Variants in TSHZ2 observed in about 807,000 individuals in gnomAD.
TSHZ2 encodes teashirt zinc finger homeobox 2, also known as teashirt homolog 2.
In TSHZ2, 21 loss-of-function variants were observed where a neutral mutation model predicts 74.4. The observed-to-expected ratio is 0.28, with a 90% confidence interval of 0.20 to 0.41. The LOEUF (loss-of-function observed/expected upper bound fraction) is 0.41. Among genes scored for constraint, TSHZ2 ranks in the 10% least tolerant of loss-of-function variants. The pLI, the probability that TSHZ2 is intolerant of heterozygous loss-of-function variation, is 1.00. For missense variants in TSHZ2, 1,244 were observed against 1,293.5 expected, an observed-to-expected ratio of 0.96 and a Z score of 0.59; for synonymous variants, 540 against 515.3, an observed-to-expected ratio of 1.05 and a Z score of -0.65.
rs1481813903 is a variant in TSHZ2 at position 53,463,608 on chromosome 20, C to CTGAGAGCAGTAGTTCTCAATCTTGGTAGT, written c.*9-23535_*9-23507dup. On this transcript the variant is annotated intron_variant, in intron 2 of 2. Coordinates refer to ENST00000371497, the MANE Select transcript of TSHZ2 (RefSeq NM_173485.6). Reference sequence around the variant, plus strand: ...AAATAAGTGAATAAATGAATCCTATCTGAGAGCAGTAGTTCTCAATCTTGG... The same window carrying CTGAGAGCAGTAGTTCTCAATCTTGGTAGT: ...AAATAAGTGAATAAATGAATCCTATCTGAGAGCAGTAGTTCTCAATCTTGGTAGTTGAGAGCAGTAGTTCTCAATCTTGG... 3.9e-5 allele frequency among the ~76,000 whole-genome samples: 6 copies of CTGAGAGCAGTAGTTCTCAATCTTGGTAGT among 152,300 alleles called. No homozygotes were observed. The East Asian group carries it at 1.2e-3, about 29-fold the overall frequency.
intron 2 of TSHZ2, among the ~76,000 whole-genome samples, chr20:53,418,947 C>T (rs187325044): frequency 1.3e-5 from 2 of 152,226 alleles, no homozygotes; most frequent in South Asian, 2.1e-4. Flanking sequence ...TGTAAACATC[C>T]GGGTTCATCC....
intron 2 of TSHZ2, among the ~76,000 whole-genome samples, chr20:53,414,411 G>A (rs1434068133): frequency 6.6e-6 from 1 of 152,062 alleles, no homozygotes; most frequent in Non-Finnish European, 1.5e-5. Context: ...CTTGAGCCCA[G>A]GAGTTTGAGA....
chr20:53,472,093 G>C (rs549821388), intron 2 of TSHZ2, among the ~76,000 whole-genome samples: 2 of 152,200 alleles, frequency 1.3e-5, no homozygotes, highest in East Asian at 3.9e-4. Flanking sequence ...GTGTGAGCCC[G>C]CGCCCGGCCA....
Position 53,256,422 on chromosome 20 carries a change from G to C in TSHZ2, c.2964G>C (p.Glu988Asp), listed in dbSNP as rs935962460. ...CTCCAGAAACAATAGCTGCCGAAGA[G>C]GACACAGACTCTAAATTCAAGTGTA... ...QRSPETIAAE[E>D]DTDSKFKCKL... The change falls in exon 2 of 3, where the codon GAG (glutamate) becomes GAC (aspartate). Residue 988 changes from glutamate to aspartate, a missense_variant. By Grantham distance (45) the Glu-to-Asp change is conservative. Coordinates refer to ENST00000371497, the MANE Select transcript of TSHZ2 (RefSeq NM_173485.6). The surrounding 1 kb of genome is among the most constrained non-coding windows in gnomAD (Gnocchi z 4.3). 2 of 1,613,952 alleles carry C rather than the reference G, an allele frequency of 1.2e-6. No individual in the cohort carries two copies. Among genetic ancestry groups the C allele is most frequent in the African/African-American group, 2.7e-5 (2 of 74,912 alleles).
At chr20:53,217,918 A>G (rs1488803696) in intron 1 of TSHZ2, among the ~76,000 whole-genome samples, 2 of 152,212 alleles carry the variant, frequency 1.3e-5, no homozygotes, top group African/African-American at 4.8e-5. Flanking sequence ...AATCTAATTT[A>G]TGTTAGAAAG....
rs750590304 is a variant in TSHZ2, at chr20:53,214,715, CAAAAT to C, written c.41-38783_41-38779del. Among the ~76,000 whole-genome samples the C allele has an allele frequency of 7.9e-5, 12 of 151,786 alleles. No homozygotes were observed. In the South Asian group the frequency reaches 2.5e-3, roughly 32 times the overall value. On this transcript the variant is annotated intron_variant, in intron 1 of 2. Coordinates refer to ENST00000371497, the MANE Select transcript of TSHZ2 (RefSeq NM_173485.6). ...CCTGGGTGACAGAGCAAGACTGTCT[CAAAAT>C]GAAAAGAAGAAGAAGACAATGTGAG...
chr20:53,099,997 G>C (rs1986170958), intron 1 of TSHZ2, among the ~76,000 whole-genome samples: 1 of 152,074 alleles, frequency 6.6e-6, no homozygotes, highest in Non-Finnish European at 1.5e-5. Context: ...TCCACTTTTT[G>C]CCAAGTGAAT....
intron 1 of TSHZ2, among the ~76,000 whole-genome samples, chr20:52,983,794 A>ATGGAGGGGAAGGAG (rs1981654173): frequency 6.6e-6 from 1 of 152,198 alleles, no homozygotes; most frequent in Non-Finnish European, 1.5e-5. Context: ...GAGAACATGG[A>ATGGAGGGGAAGGAG]TGGAGGGGAA....
intron 1 of TSHZ2, among the ~76,000 whole-genome samples, chr20:53,155,600 T>G (rs528995194): frequency 3.3e-5 from 5 of 151,972 alleles, no homozygotes; most frequent in Middle Eastern, 3.4e-3. Flanking sequence ...GACAGATCAC[T>G]GAAGATTGAG....
intron 2 of TSHZ2, among the ~76,000 whole-genome samples, chr20:53,411,689 T>A (rs1983059680): frequency 6.6e-6 from 1 of 151,826 alleles, no homozygotes; most frequent in Non-Finnish European, 1.5e-5. Flanking sequence ...ATTGGACAGG[T>A]AGGTTGGCAC....
chr20:53,342,959 T>TTTTTTTC (rs1980275659), intron 2 of TSHZ2, among the ~76,000 whole-genome samples: 4 of 107,916 alleles, frequency 3.7e-5, no homozygotes, highest in Non-Finnish European at 7.5e-5. Context: ...TCTTTTCTTT[T>TTTTTTTC]TTTTTTTTTT....
At chr20:53,295,512 C>T (rs1254194589) in intron 2 of TSHZ2, among the ~76,000 whole-genome samples, 2 of 152,064 alleles carry the variant, frequency 1.3e-5, no homozygotes, top group Admixed American at 1.3e-4. Context: ...AGCGGTGTTT[C>T]CCTAATTGTA....
intron 2 of TSHZ2, among the ~76,000 whole-genome samples, chr20:53,467,984 C>T (rs902713219): frequency 4.6e-5 from 7 of 151,584 alleles, no homozygotes; most frequent in African/African-American, 4.8e-5. Context: ...ATATTTGAAA[C>T]TAAAAAAAAA....
chr20:53,021,565 C>T (rs993233569), intron 1 of TSHZ2, among the ~76,000 whole-genome samples: 1 of 152,164 alleles, frequency 6.6e-6, no homozygotes, highest in Admixed American at 6.6e-5. Flanking sequence ...AAAGAAAAAG[C>T]ATTTCTTCCA....
Position 53,232,026 on chromosome 20 carries a change from G to C in TSHZ2, c.41-21473G>C, listed in dbSNP as rs368183887. Among the ~76,000 whole-genome samples, 6 of 151,932 alleles carry C rather than the reference G, an allele frequency of 3.9e-5. No homozygotes were observed. In the East Asian group the frequency reaches 9.6e-4, roughly 24 times the overall value. ...TAGCCTCCCAAACAGCTGAGACTACGGGCGCCTGCTACCACACCTGGCTAA... is the reference window on the plus strand; with the variant it reads ...TAGCCTCCCAAACAGCTGAGACTACCGGCGCCTGCTACCACACCTGGCTAA... On this transcript the variant is annotated intron_variant, in intron 1 of 2. Coordinates refer to ENST00000371497, the MANE Select transcript of TSHZ2 (RefSeq NM_173485.6).
At chr20:53,202,995 A>G (rs1418684095) in intron 1 of TSHZ2, among the ~76,000 whole-genome samples, 1 of 152,136 alleles carries the variant, frequency 6.6e-6, no homozygotes, top group East Asian at 1.9e-4. Flanking sequence ...TAGGCAGATC[A>G]AGGGACACAA....
At chr20:53,189,168 T>C (rs985579348) in intron 1 of TSHZ2, among the ~76,000 whole-genome samples, 1 of 152,204 alleles carries the variant, frequency 6.6e-6, no homozygotes, top group Non-Finnish European at 1.5e-5. Flanking sequence ...CTAGCAGAGT[T>C]CTAGGGAAAA....
Position 52,973,302 on chromosome 20 carries a change from G to A in TSHZ2, c.9G>A (p.Arg3=). 4 of 1,553,106 alleles carry A rather than the reference G, an allele frequency of 2.6e-6. No homozygotes were observed. Among genetic ancestry groups the A allele is most frequent in the Non-Finnish European group, 3.5e-6 (4 of 1,147,464 alleles). The change falls in exon 1 of 3, where the codon AGG becomes AGA. Residue 3 remains arginine, a synonymous_variant. Coordinates refer to ENST00000371497, the MANE Select transcript of TSHZ2 (RefSeq NM_173485.6). Reference sequence around the variant, plus strand: ...CTGGAGCGAAGTAGAGGATGCCGAGGAGAAAACAGCAGGCACCCAAGCGGG... The same window carrying A: ...CTGGAGCGAAGTAGAGGATGCCGAGAAGAAAACAGCAGGCACCCAAGCGGG... MP[R]RKQQAPKRAA...
At chr20:52,987,084 T>A (rs768450063) in intron 1 of TSHZ2, among the ~76,000 whole-genome samples, 21 of 152,182 alleles carry the variant, frequency 1.4e-4, no homozygotes, top group African/African-American at 4.6e-4. Flanking sequence ...CATTAAAACT[T>A]CCAAAAACTT....
Sources: allele counts gnomAD v4.1 joint callset (sites outside exome capture counted in the v4.1 genomes callset), GRCh38; gene constraint gnomAD v4.1.1; non-coding constraint Gnocchi (gnomAD v3.1); transcripts MANE v1.5; gene names NCBI Gene and HGNC (gene_info 2026-07-23, HGNC 2026-07-21).